The following HEMK2 variants were observed in gnomAD, a reference collection of about 807,000 sequenced individuals.
The protein encoded by HEMK2 is HemK methyltransferase 2, ETF1 glutamine and histone H4 lysine.
At chr21:28,793,043 T>A in the HEMK2 span, among the ~76,000 whole-genome samples, 1 of 152,250 alleles carries the variant, frequency 6.6e-6, no homozygotes, top group Non-Finnish European at 1.5e-5. Flanking sequence ...TAACTTATAA[T>A]GCCTGGGAAT....
chr21:28,832,975 T>G, the HEMK2 span, among the ~76,000 whole-genome samples: 1 of 152,198 alleles, frequency 6.6e-6, no homozygotes, highest in East Asian at 1.9e-4. Flanking sequence ...ACACATTATC[T>G]CATTTGGTCT....
At chr21:28,767,268 T>G in the HEMK2 span, among the ~76,000 whole-genome samples, 1 of 151,958 alleles carries the variant, frequency 6.6e-6, no homozygotes, top group Non-Finnish European at 1.5e-5. Flanking sequence ...CTCTTTCTTT[T>G]GTATATTGCC....
chr21:28,751,476 T>C, the HEMK2 span, among the ~76,000 whole-genome samples: 2 of 152,214 alleles, frequency 1.3e-5, no homozygotes, highest in East Asian at 3.8e-4. Flanking sequence ...GCATGTACCA[T>C]GTGCAGATTA....
At chr21:28,697,777 C>CAAAAAAAA in the HEMK2 span, among the ~76,000 whole-genome samples, 1 of 33,898 alleles carries the variant, frequency 3.0e-5, no homozygotes, top group Non-Finnish European at 4.3e-5. Context: ...AATCATGAGC[C>CAAAAAAAA]CAAAAAAAAA....
the HEMK2 span, among the ~76,000 whole-genome samples, chr21:28,726,281 T>G: frequency 6.6e-6 from 1 of 151,988 alleles, no homozygotes; most frequent in Non-Finnish European, 1.5e-5. Flanking sequence ...AGTTCACAAC[T>G]GATCAAAACA....
the HEMK2 span, among the ~76,000 whole-genome samples, chr21:28,866,369 AAC>A: frequency 6.6e-6 from 1 of 151,420 alleles, no homozygotes; most frequent in Non-Finnish European, 1.5e-5. Flanking sequence ...GAATTGCTTA[AAC>A]CCAGGAGGCA....
chr21:28,812,005 A>T, the HEMK2 span, among the ~76,000 whole-genome samples: 1 of 152,222 alleles, frequency 6.6e-6, no homozygotes, highest in Non-Finnish European at 1.5e-5. Context: ...CCTAAGGTCC[A>T]GATGTGTTAT....
At chr21:28,591,084 T>G in the HEMK2 span, among the ~76,000 whole-genome samples, 1 of 152,214 alleles carries the variant, frequency 6.6e-6, no homozygotes. Flanking sequence ...AATGTGTTAT[T>G]CCTTCACAAC....
At chr21:28,770,398 T>C in the HEMK2 span, among the ~76,000 whole-genome samples, 1 of 152,140 alleles carries the variant, frequency 6.6e-6, no homozygotes. Context: ...TCAACTTGTT[T>C]CCAAGTGAAG....
At chr21:28,863,869 C>T in the HEMK2 span, among the ~76,000 whole-genome samples, 1 of 152,132 alleles carries the variant, frequency 6.6e-6, no homozygotes, top group Non-Finnish European at 1.5e-5. Flanking sequence ...GCTCTGTCGC[C>T]CAGGCCGGAG....
At chr21:28,838,972 A>AAAAAAAAAATATATATAT in the HEMK2 span, among the ~76,000 whole-genome samples, 1 of 29,160 alleles carries the variant, frequency 3.4e-5, no homozygotes, top group Non-Finnish European at 5.6e-5. Flanking sequence ...AAAAAAAAAA[A>AAAAAAAAAATATATATAT]ATATATATAT....
At chr21:28,629,759 C>G in the HEMK2 span, among the ~76,000 whole-genome samples, 1 of 152,162 alleles carries the variant, frequency 6.6e-6, no homozygotes, top group African/African-American at 2.4e-5. Context: ...GGTTGTTTAT[C>G]TTTCCATAGA....
the HEMK2 span, among the ~76,000 whole-genome samples, chr21:28,849,557 T>C: frequency 2.0e-5 from 3 of 152,144 alleles, no homozygotes; most frequent in Non-Finnish European, 2.9e-5. Context: ...ATTCAAAATA[T>C]GGTTAGGAAC....
the HEMK2 span, among the ~76,000 whole-genome samples, chr21:28,630,180 C>T: frequency 7.9e-6 from 1 of 127,358 alleles, no homozygotes; most frequent in East Asian, 4.3e-4. Flanking sequence ...CATTAACTTT[C>T]TTTTTTTTCA....
At chr21:28,721,572 T>G in the HEMK2 span, among the ~76,000 whole-genome samples, 1 of 152,178 alleles carries the variant, frequency 6.6e-6, no homozygotes, top group Non-Finnish European at 1.5e-5. Context: ...TATTAGACAG[T>G]GCTGATTTGA....
At chr21:28,711,644 C>T in the HEMK2 span, among the ~76,000 whole-genome samples, 3 of 152,128 alleles carry the variant, frequency 2.0e-5, no homozygotes, top group East Asian at 5.8e-4. Context: ...TATAAACTCA[C>T]ATAAGAGCAA....
At chr21:28,690,801 T>C in the HEMK2 span, among the ~76,000 whole-genome samples, 1 of 152,142 alleles carries the variant, frequency 6.6e-6, no homozygotes, top group Admixed American at 6.5e-5. Context: ...AATCAACACG[T>C]CTGTTACTTC....
the HEMK2 span, chr21:28,885,333 T>C: frequency 5.7e-6 from 9 of 1,578,874 alleles, no homozygotes; most frequent in South Asian, 1.1e-5. Flanking sequence ...GTAGCGAAGT[T>C]CTCCCCTGCC....
chr21:28,713,967 C>T, the HEMK2 span, among the ~76,000 whole-genome samples: 2 of 152,154 alleles, frequency 1.3e-5, no homozygotes, highest in South Asian at 4.1e-4. Context: ...GTTACTTGTT[C>T]ATCAGGAATA....
Sources: allele counts gnomAD v4.1 joint callset (sites outside exome capture counted in the v4.1 genomes callset), GRCh38; gene constraint gnomAD v4.1.1; transcripts MANE v1.5; gene names NCBI Gene and HGNC (gene_info 2026-07-23, HGNC 2026-07-21).